The following TMEM144 variants were observed in gnomAD, a reference collection of about 807,000 sequenced individuals.
TMEM144 encodes transmembrane protein 144.
A neutral mutation model predicts 43.6 loss-of-function variants in TMEM144; 39 were observed. The observed-to-expected ratio is 0.90, with a 90% CI of 0.69 to 1.17. The LOEUF (loss-of-function observed/expected upper bound fraction) is 1.17. Among genes scored for constraint, TMEM144 ranks in the 50% most tolerant of loss-of-function variants. The pLI is 0.00. For missense variants in TMEM144, 417 were observed against 411.9 expected (o/e 1.01, Z -0.11); for synonymous variants, 154 against 133.6 (o/e 1.15, Z -1.06).
At chr4:158,229,311 T>C (rs113988906) in intron 6 of TMEM144, among the ~76,000 whole-genome samples, 5 of 152,264 alleles carry the variant, frequency 3.3e-5, no homozygotes, top group African/African-American at 1.2e-4. Flanking sequence ...TCTGGTTTGC[T>C]CCCGCGCTTA....
Position 158,215,255 on chromosome 4 carries a change from AT to A in TMEM144, c.176del (p.Leu59TyrfsTer33), listed in dbSNP as rs531225975. 2.0e-3 allele frequency: 3,240 copies of A among 1,613,862 alleles called. No homozygotes were observed. The highest frequency in any genetic ancestry group is 2.5e-3 in the Non-Finnish European group (2,976 of 1,179,812). On this transcript the variant is annotated frameshift_variant, in exon 4 of 13. Transcript: ENST00000296529. LOFTEE classifies it high-confidence loss of function. The stretch of plus-strand genomic sequence containing the variant: ...TGGTTGCCTTGGTTGTCAATCTGAT[AT>A]TACATTGTCCAAAGTTTTGGCCTTT... ...WLVALVVNLI[L>X]HCPKFWPFAM... is the part of the protein sequence containing the mutation.
intron 12 of TMEM144, among the ~76,000 whole-genome samples, chr4:158,251,845 G>A (rs778862908): frequency 2.0e-5 from 3 of 152,066 alleles, no homozygotes; most frequent in East Asian, 1.9e-4. Context: ...GAGTATGTCC[G>A]CACTCCACTT....
chr4:158,217,263 T>C, intron 4 of TMEM144, 58 bp from the exon 5 acceptor site: 1 of 1,224,448 alleles, frequency 8.2e-7, no homozygotes, highest in Non-Finnish European at 1.2e-6. Context: ...CTAATTCTAT[T>C]TATAAATGTA....
chr4:158,239,597 A>G (rs181567466), intron 9 of TMEM144, among the ~76,000 whole-genome samples: 46 of 151,944 alleles, frequency 3.0e-4, no homozygotes, highest in Non-Finnish European at 5.6e-4. Context: ...AGCACCCCCA[A>G]TTTTTTTCAT....
Position 158,212,748 on chromosome 4 carries a change from G to A in TMEM144, c.81G>A (p.Val27=), listed in dbSNP as rs1220831348. The change falls in exon 3 of 13, where the codon GTG becomes GTA. Residue 27 remains valine (V), a synonymous_variant. Coordinates refer to ENST00000296529, the MANE Select transcript of TMEM144 (RefSeq NM_018342.5). ...VAILLFGSNF[V]PLKKFDTGDG... ...TCCTTTTGTTTGGCTCAAATTTTGT[G>A]CCACTTAAAAAATTTGATACTGGTG... The A allele has an allele frequency of 5.0e-6, 8 of 1,613,540 alleles. No individual in the cohort carries two copies. Among genetic ancestry groups the A allele is most frequent in the Non-Finnish European group, 6.8e-6 (8 of 1,179,782 alleles).
At chr4:158,243,726 C>G (rs1008777525) in intron 11 of TMEM144, among the ~76,000 whole-genome samples, 18 of 152,068 alleles carry the variant, frequency 1.2e-4, no homozygotes, top group African/African-American at 4.3e-4. Context: ...TTTCCTTACA[C>G]GTTTATTTTA....
At chr4:158,230,248 G>T (rs1167344274) in intron 6 of TMEM144, among the ~76,000 whole-genome samples, 1 of 151,856 alleles carries the variant, frequency 6.6e-6, no homozygotes, top group African/African-American at 2.4e-5. Flanking sequence ...AGCCCTGTGT[G>T]GCTCTCAGGT....
intron 6 of TMEM144, among the ~76,000 whole-genome samples, chr4:158,224,496 G>A (rs1734656308): frequency 6.6e-6 from 1 of 152,112 alleles, no homozygotes; most frequent in African/African-American, 2.4e-5. Flanking sequence ...AACACATCAG[G>A]TTGGTCATTT....
chr4:158,231,684 G>C (rs1735086224), intron 6 of TMEM144, among the ~76,000 whole-genome samples: 3 of 152,120 alleles, frequency 2.0e-5, no homozygotes, highest in Non-Finnish European at 4.4e-5. Context: ...GGAAGAAAGA[G>C]AAGCAAGTGC....
intron 6 of TMEM144, among the ~76,000 whole-genome samples, chr4:158,228,406 G>A (rs931573762): frequency 5.4e-5 from 8 of 149,528 alleles, no homozygotes; most frequent in Non-Finnish European, 7.4e-5. Context: ...TCAAAGTGCC[G>A]ATAAGGGCAC....
chr4:158,225,862 T>C (rs1234413628), intron 6 of TMEM144, among the ~76,000 whole-genome samples: 1 of 152,226 alleles, frequency 6.6e-6, no homozygotes, highest in African/African-American at 2.4e-5. Context: ...GGAAGCTGGA[T>C]GGCCCTCGGG....
intron 8 of TMEM144, among the ~76,000 whole-genome samples, chr4:158,236,160 C>G (rs1414925755): frequency 6.6e-6 from 1 of 152,088 alleles, no homozygotes; most frequent in Admixed American, 6.5e-5. Context: ...TGTGGTGACA[C>G]CTTTTGACTC....
At chr4:158,244,110 T>G (rs761550914) in intron 11 of TMEM144, among the ~76,000 whole-genome samples, 186 bp from the exon 12 acceptor site, 6 of 151,940 alleles carry the variant, frequency 3.9e-5, no homozygotes, top group Non-Finnish European at 1.5e-5. Context: ...GAAAAGAAAA[T>G]GAAAAAAAGT....
intron 12 of TMEM144, among the ~76,000 whole-genome samples, chr4:158,248,373 A>C (rs1736000165): frequency 6.6e-6 from 1 of 152,152 alleles, no homozygotes; most frequent in Admixed American, 6.5e-5. Flanking sequence ...TGGAGATTGC[A>C]GTGAGCCAAG....
intron 12 of TMEM144, among the ~76,000 whole-genome samples, chr4:158,251,266 C>T (rs557578850): frequency 7.8e-4 from 118 of 152,194 alleles, no homozygotes; most frequent in Non-Finnish European, 1.3e-3. Flanking sequence ...GATTCAGACT[C>T]TCCTGATGAC....
chr4:158,217,563 T>C (rs1280426532), intron 5 of TMEM144, 143 bp downstream of exon 5: 2 of 583,068 alleles, frequency 3.4e-6, no homozygotes, highest in Admixed American at 3.0e-5. Context: ...ATATGCCACC[T>C]TCTATTGCTA....
At chr4:158,226,607 A>C (rs145149276) in intron 6 of TMEM144, among the ~76,000 whole-genome samples, 2 of 152,114 alleles carry the variant, frequency 1.3e-5, no homozygotes, top group Non-Finnish European at 2.9e-5. Flanking sequence ...TATTTTCTTT[A>C]TACACCTTGC....
chr4:158,226,447 C>T (rs1734771236), intron 6 of TMEM144, among the ~76,000 whole-genome samples: 1 of 152,120 alleles, frequency 6.6e-6, no homozygotes, highest in Non-Finnish European at 1.5e-5. Context: ...TAACTTTAGC[C>T]AATGTTTACA....
rs111838687 is a variant in TMEM144, at chr4:158,243,477, C to A, written c.901-819C>A. On this transcript the variant is annotated intron_variant, in intron 11 of 12. Coordinates refer to ENST00000296529, the MANE Select transcript of TMEM144 (RefSeq NM_018342.5). ...TATTTGAAACTCTTCCAGAGTTTCT[C>A]GGAGTTTGAAGAGCAATCATAAAAA... Among the ~76,000 whole-genome samples the A allele has an allele frequency of 4.3e-3, 651 of 152,170 alleles. 3 individuals are homozygous for A. The highest frequency in any genetic ancestry group is 0.014 in the African/African-American group (564 of 41,526).
Sources: gnomAD v4.1 joint callset for allele counts (sites outside exome capture counted in the v4.1 genomes callset) on GRCh38, gnomAD v4.1.1 for gene constraint, MANE v1.5 for transcripts, NCBI Gene and HGNC (gene_info 2026-07-23, HGNC 2026-07-21) for gene names.